ASXL2: variants seen among roughly 807,000 people sequenced by gnomAD.
ASXL2 encodes the protein putative Polycomb group protein ASXL2.
Under a neutral mutation model 122.0 loss-of-function variants are expected in ASXL2, and 23 were observed. The observed-to-expected ratio is 0.19, with a 90% confidence interval of 0.14 to 0.27. ASXL2 has a LOEUF of 0.27. Ranked by LOEUF, ASXL2 falls within the 10% of genes least tolerant of loss-of-function variation. The pLI, the probability that ASXL2 is intolerant of heterozygous loss-of-function variation, is 1.00. For synonymous variants in ASXL2, 650 were observed against 637.0 expected, an observed-to-expected ratio of 1.02 and a Z score of -0.31; for missense variants, 1,518 against 1,713.8, an observed-to-expected ratio of 0.89 and a Z score of 2.02.
intron 3 of ASXL2, among the ~76,000 whole-genome samples, chr2:25,826,072 A>G (rs1444305642): frequency 6.6e-6 from 1 of 152,174 alleles, no homozygotes; most frequent in African/African-American, 2.4e-5. Flanking sequence ...AAGCATTTCC[A>G]ATTATTCACA....
intron 5 of ASXL2, among the ~76,000 whole-genome samples, chr2:25,787,155 G>A (rs1325858719): frequency 6.6e-6 from 1 of 152,178 alleles, no homozygotes; most frequent in Non-Finnish European, 1.5e-5. Context: ...GTGCTGTTGT[G>A]TATACACACG....
chr2:25,864,655 A>C (rs1167044113), intron 1 of ASXL2, among the ~76,000 whole-genome samples: 1 of 151,890 alleles, frequency 6.6e-6, no homozygotes, highest in Non-Finnish European at 1.5e-5. Flanking sequence ...TATATCTCAA[A>C]CTTTAGTACT....
chr2:25,778,161 T>G (rs1241521451), intron 5 of ASXL2, among the ~76,000 whole-genome samples: 1 of 152,160 alleles, frequency 6.6e-6, no homozygotes, highest in Non-Finnish European at 1.5e-5. Context: ...CCAGAATCTG[T>G]GAATGTTACT....
chr2:25,856,490 A>T (rs1332886839), intron 1 of ASXL2: 1 of 1,073,996 alleles, frequency 9.3e-7, no homozygotes, highest in Non-Finnish European at 1.4e-6. Context: ...CGGAACTTGT[A>T]TCCAGCAAAG....
Position 25,743,513 on chromosome 2 carries a change from G to C in ASXL2, c.2824C>G (p.Pro942Ala). 1 of 1,613,974 alleles carries C rather than the reference G, an allele frequency of 6.2e-7. No individual in the cohort carries two copies. Among genetic ancestry groups the C allele is most frequent in the Admixed American group, 1.7e-5 (1 of 60,016 alleles). The change falls in exon 13 of 13, where the codon CCA becomes GCA. Residue 942 changes from proline to alanine, a missense_variant. Around this residue, in one of 8 missense-constraint regions of ASXL2, gnomAD observed 831 missense variants for 833.1 expected, o/e 1.00. Coordinates refer to ENST00000435504, the MANE Select transcript of ASXL2 (RefSeq NM_018263.6). ...SLNMNGPTLR[P>A]TSSIPANNPL... ...TTATTAGCAGGGATACTAGAGGTTG[G>C]TCTTAAAGTGGGTCCATTCATGTTT...
At chr2:25,805,007 G>T (rs2089060633) in intron 4 of ASXL2, among the ~76,000 whole-genome samples, 1 of 152,078 alleles carries the variant, frequency 6.6e-6, no homozygotes, top group Admixed American at 6.5e-5. Flanking sequence ...CCAAGACTGT[G>T]CCACTGCACT....
chr2:25,750,748 G>T (rs2088030404), intron 11 of ASXL2, among the ~76,000 whole-genome samples: 1 of 152,198 alleles, frequency 6.6e-6, no homozygotes, highest in Non-Finnish European at 1.5e-5. Flanking sequence ...AACACATAAT[G>T]AAAGTTCAGT....
rs914508886 is a variant in ASXL2, at chr2:25,735,171, T to C, written c.*6858A>G. The C allele has an allele frequency of 2.6e-5, 4 of 152,212 alleles. No homozygotes were observed. The highest frequency in any genetic ancestry group is 2.1e-4 in the South Asian group (1 of 4,830). The allele number at this position is 152,212 out of a possible 1,614,324, so 9.4% of individuals were successfully genotyped here. On this transcript the variant is annotated 3_prime_UTR_variant, in exon 13 of 13. Coordinates refer to ENST00000435504, the MANE Select transcript of ASXL2 (RefSeq NM_018263.6). ...TTCGCTTTTTCTTCCTGTTACAAGA[T>C]CTCCTTCCAGGGAATGCCTTTTTAG... is the stretch of plus-strand genomic sequence containing the variant.
intron 3 of ASXL2, chr2:25,809,802 G>T: frequency 2.3e-6 from 1 of 428,824 alleles, no homozygotes. Flanking sequence ...AAGACACAGG[G>T]GAGGTGGGGG....
intron 5 of ASXL2, among the ~76,000 whole-genome samples, chr2:25,796,992 GAACAT>G (rs2088920597): frequency 6.6e-6 from 1 of 152,070 alleles, no homozygotes; most frequent in Non-Finnish European, 1.5e-5. Flanking sequence ...AAAACTCCCA[GAACAT>G]AACATAACAT....
intron 5 of ASXL2, among the ~76,000 whole-genome samples, chr2:25,788,434 A>T (rs776735310): frequency 1.2e-4 from 18 of 152,222 alleles, no homozygotes; most frequent in South Asian, 2.1e-4. Context: ...TCTACTTTTT[A>T]AAAAAATTTC....
intron 5 of ASXL2, among the ~76,000 whole-genome samples, chr2:25,791,066 G>A (rs997167166): frequency 6.6e-6 from 1 of 151,714 alleles, no homozygotes; most frequent in Non-Finnish European, 1.5e-5. Context: ...CAAAGTAATG[G>A]GATTACAGGT....
intron 12 of ASXL2, among the ~76,000 whole-genome samples, chr2:25,746,306 C>T (rs2149138747): frequency 6.6e-6 from 1 of 152,236 alleles, no homozygotes; most frequent in South Asian, 2.1e-4. Flanking sequence ...GACTTCATAA[C>T]AGGTGTCACA....
In ASXL2 at chr2:25,749,978, G is replaced by A. The variant is rs745464197; in HGVS notation, c.1578C>T (p.Ser526=). 2.5e-6 allele frequency: 4 copies of A among 1,613,946 alleles called. No individual in the cohort carries two copies. In the South Asian group the frequency reaches 3.3e-5, roughly 13 times the overall value. ...TTTCAACCCCAGGACTCTTGGGTTT[G>A]CTTGGCGATGTAACTAAAGATTCTT... The part of the protein sequence containing the change: ...ESQESLVTSP[S]KPKSPGVEKP... The change falls in exon 12 of 13, where the codon AGC becomes AGT. Residue 526 remains serine, a synonymous_variant. Coordinates refer to ENST00000435504, the MANE Select transcript of ASXL2 (RefSeq NM_018263.6).
Position 25,866,420 on chromosome 2 carries a change from G to A in ASXL2, c.57+11746C>T, listed in dbSNP as rs1018848811. ...TGGGATTACAGGCATGAGCCACTGCGCCTGACAAAACTTCAATTTTCATAG... is the reference window on the plus strand; with the variant it reads ...TGGGATTACAGGCATGAGCCACTGCACCTGACAAAACTTCAATTTTCATAG... On this transcript the variant is annotated intron_variant, in intron 1 of 12. Coordinates refer to ENST00000435504, the MANE Select transcript of ASXL2 (RefSeq NM_018263.6). 5.9e-5 allele frequency among the ~76,000 whole-genome samples: 9 copies of A among 152,116 alleles called. No individual in the cohort carries two copies. The South Asian group carries it at 1.0e-3, about 18-fold the overall frequency.
At position 25,753,513 on chromosome 2, in the gene ASXL2, T is replaced by C. The variant is rs1365659308; in HGVS notation, c.1142+21A>G. 4 of 1,587,892 alleles carry C rather than the reference T, an allele frequency of 2.5e-6. No individual in the cohort carries two copies. The Admixed American group carries it at 6.8e-5, about 27-fold the overall frequency. Reference sequence around the variant, plus strand: ...TATGTAGGAATTAACATTTGGTTTATAGAACCTGTCCTAATATTACCTCTG... The same window carrying C: ...TATGTAGGAATTAACATTTGGTTTACAGAACCTGTCCTAATATTACCTCTG... On this transcript the variant is annotated intron_variant, in intron 11 of 12. Transcript: ENST00000435504.
intron 8 of ASXL2, among the ~76,000 whole-genome samples, chr2:25,760,775 C>T (rs945528484): frequency 6.6e-6 from 1 of 151,940 alleles, no homozygotes; most frequent in African/African-American, 2.4e-5. Context: ...TATGCCACTA[C>T]AAGAGAGAAT....
intron 1 of ASXL2, among the ~76,000 whole-genome samples, chr2:25,867,662 GAAAATACTTGT>G (rs2089921020): frequency 2.0e-5 from 3 of 152,096 alleles, no homozygotes; most frequent in Admixed American, 6.5e-5. Context: ...ATTACTCCCA[GAAAATACTTGT>G]CAGCCCAGCT....
chr2:25,784,053 C>CTAAATAAATAAA lies in ASXL2; in HGVS notation c.404-12525_404-12514dup, dbSNP rs59180424. 5.0e-3 allele frequency among the ~76,000 whole-genome samples: 687 copies of CTAAATAAATAAA among 138,458 alleles called. 4 individuals are homozygous for CTAAATAAATAAA. Among genetic ancestry groups the CTAAATAAATAAA allele is most frequent in the East Asian group, 0.016 (74 of 4,556 alleles). The allele number at this position is 138,458 out of a possible 152,430, so 90.8% of individuals were successfully genotyped here. The stretch of plus-strand genomic sequence containing the variant: ...TGGGCGAAAGAGTGAAACTCCATCT[C>CTAAATAAATAAA]TAAATAAATAAATAAATAAATAAAT... On this transcript the variant is annotated intron_variant, in intron 5 of 12. Transcript: ENST00000435504.
Sources: gnomAD v4.1 joint callset for allele counts (sites outside exome capture counted in the v4.1 genomes callset) on GRCh38, gnomAD v4.1.1 for gene constraint, gnomAD v4.1.1 regional missense constraint, MANE v1.5 for transcripts, NCBI Gene and HGNC (gene_info 2026-07-23, HGNC 2026-07-21) for gene names.